Variants in PSMD9 observed in about 807,000 individuals in gnomAD.
The protein encoded by PSMD9 is proteasome 26S subunit, non-ATPase 9, also known as 26S proteasome non-ATPase regulatory subunit 9.
In PSMD9, 26 loss-of-function variants were observed where a neutral mutation model predicts 25.9. That is an observed-to-expected ratio of 1.00 (90% CI 0.73 to 1.39). The LOEUF (loss-of-function observed/expected upper bound fraction) is 1.39. PSMD9 is among the 40% of genes most tolerant of loss of function. PSMD9 has a pLI of 0.00. For synonymous variants in PSMD9, 110 were observed against 114.5 expected, an observed-to-expected ratio of 0.96 and a Z score of 0.25; for missense variants, 303 against 299.3, an observed-to-expected ratio of 1.01 and a Z score of -0.09.
intron 1 of PSMD9, chr12:121,894,431 G>A (rs1340873130): frequency 1.8e-5 from 5 of 281,878 alleles, no homozygotes; most frequent in Non-Finnish European, 3.5e-5. Context: ...GTGTGAAGGA[G>A]TGGAGGAAGA....
chr12:121,916,502 G>C lies in PSMD9; in HGVS notation c.*191G>C. 1.5e-6 allele frequency: 1 copy of C among 683,400 alleles called. No homozygotes were observed. Among genetic ancestry groups the C allele is most frequent in the Non-Finnish European group, 2.4e-6 (1 of 409,702 alleles). 42.3% of individuals were successfully genotyped at this position (683,400 alleles called of 1,614,324 possible). On this transcript the variant is annotated 3_prime_UTR_variant, in exon 6 of 6. Coordinates refer to ENST00000541212, the MANE Select transcript of PSMD9 (RefSeq NM_002813.7). ...GGATTAAGGCATTCTTAAAAACTTA[G>C]GCTTGGCCTCTTTCACAAATTAGGC...
intron 4 of PSMD9, among the ~76,000 whole-genome samples, chr12:121,910,644 C>T (rs369285817): frequency 7.9e-4 from 119 of 150,688 alleles, no homozygotes; most frequent in African/African-American, 2.8e-3. Context: ...CCTGTAATCC[C>T]AGTTACTCTG....
At chr12:121,913,481 ATTTTCTT>A (rs1337694226) in intron 4 of PSMD9, among the ~76,000 whole-genome samples, 5 of 143,908 alleles carry the variant, frequency 3.5e-5, no homozygotes, top group East Asian at 2.1e-4. Flanking sequence ...ATTTGCATGT[ATTTTCTT>A]TTTTCTTTTT....
chr12:121,914,369 G>A (rs1342861633), intron 4 of PSMD9: 1 of 151,460 alleles, frequency 6.6e-6, no homozygotes, highest in Non-Finnish European at 1.5e-5. Context: ...GGCCAACATG[G>A]CGAAACCCCA....
intron 1 of PSMD9, among the ~76,000 whole-genome samples, chr12:121,891,298 T>TAAAA (rs1209397158): frequency 1.1e-5 from 1 of 91,686 alleles, no homozygotes; most frequent in Non-Finnish European, 2.1e-5. Flanking sequence ...GCTGTCTCTT[T>TAAAA]AAAAAAAAAA....
chr12:121,890,096 A>G (rs755443449), intron 1 of PSMD9, among the ~76,000 whole-genome samples: 4 of 151,896 alleles, frequency 2.6e-5, no homozygotes, highest in Non-Finnish European at 5.9e-5. Flanking sequence ...TTTTTATTTT[A>G]AGTAAAAGCA....
intron 1 of PSMD9, among the ~76,000 whole-genome samples, chr12:121,891,834 A>C (rs1879089958): frequency 7.5e-6 from 1 of 133,952 alleles, no homozygotes; most frequent in South Asian, 2.6e-4. Context: ...TGAACCTGGG[A>C]GGCGGAGGTT....
At chr12:121,898,500 T>A (rs1879295672) in intron 2 of PSMD9, 2 of 151,716 alleles carry the variant, frequency 1.3e-5, no homozygotes, top group Middle Eastern at 3.5e-3. Flanking sequence ...GGACTCCCTC[T>A]CCTGGACTGA....
chr12:121,896,785 G>A (rs1156559847), intron 2 of PSMD9, among the ~76,000 whole-genome samples: 13 of 147,218 alleles, frequency 8.8e-5, no homozygotes, highest in Non-Finnish European at 8.9e-5. Context: ...GCCGTGAGCC[G>A]AGATTGTGCC....
intron 4 of PSMD9, chr12:121,911,138 T>C (rs770735709): frequency 2.7e-6 from 1 of 374,314 alleles, no homozygotes; most frequent in Non-Finnish European, 5.4e-6. Context: ...CTCCCAGGTT[T>C]GAGCCATTCT....
chr12:121,915,362 G>A lies in PSMD9; in HGVS notation c.556-494G>A, dbSNP rs559747296. On this transcript the variant is annotated intron_variant, in intron 4 of 5. Coordinates refer to ENST00000541212, the MANE Select transcript of PSMD9 (RefSeq NM_002813.7). ...AAAGAAAGAAAATATTATCAAATAG[G>A]TTCATACTTTGGTGGGGTTTTGGTT... The A allele has an allele frequency of 2.6e-5, 4 of 152,248 alleles. 1 individual carries two copies. In the South Asian group the frequency reaches 8.3e-4, roughly 32 times the overall value. 9.4% of individuals were successfully genotyped at this position (152,248 alleles called of 1,614,324 possible).
chr12:121,889,885 G>A (rs1879011739), intron 1 of PSMD9, among the ~76,000 whole-genome samples: 1 of 152,070 alleles, frequency 6.6e-6, no homozygotes, highest in Non-Finnish European at 1.5e-5. Flanking sequence ...AGTAGGGTGG[G>A]ATGGAATGCA....
At chr12:121,906,885 G>GA (rs370756828) in intron 4 of PSMD9, among the ~76,000 whole-genome samples, 2,661 of 148,472 alleles carry the variant, frequency 0.018, 31 homozygotes, top group South Asian at 0.032. Context: ...AGAATTGCTT[G>GA]AACCCGGGAG....
At chr12:121,900,419 A>C (rs374128386) in intron 3 of PSMD9, among the ~76,000 whole-genome samples, 181 of 152,092 alleles carry the variant, frequency 1.2e-3, no homozygotes, top group African/African-American at 4.2e-3. Flanking sequence ...GACCGGGAGC[A>C]TTGGCTCACG....
At chr12:121,894,512 T>C in intron 1 of PSMD9, 1 of 492,360 alleles carries the variant, frequency 2.0e-6, no homozygotes, top group East Asian at 3.6e-5. Flanking sequence ...CAAAAAAGAA[T>C]GGATTCATGC....
At chr12:121,890,605 C>G (rs1257600083) in intron 1 of PSMD9, among the ~76,000 whole-genome samples, 1 of 152,020 alleles carries the variant, frequency 6.6e-6, no homozygotes, top group Non-Finnish European at 1.5e-5. Context: ...GTAGCTGAGA[C>G]TGCAGGTACG....
chr12:121,905,109 C>G (rs1879515640), intron 4 of PSMD9, among the ~76,000 whole-genome samples: 1 of 151,884 alleles, frequency 6.6e-6, no homozygotes, highest in African/African-American at 2.4e-5. Context: ...AGAAAGACTG[C>G]TCATATACCA....
chr12:121,899,422 G>C (rs556188670), intron 2 of PSMD9: 8 of 573,548 alleles, frequency 1.4e-5, no homozygotes, highest in African/African-American at 1.9e-5. Context: ...GCAGTCATCA[G>C]ATGTTATTGT....
intron 4 of PSMD9, among the ~76,000 whole-genome samples, chr12:121,903,674 C>T (rs563837144): frequency 1.1e-4 from 16 of 152,058 alleles, no homozygotes; most frequent in Admixed American, 2.0e-4. Flanking sequence ...GGGGCCTTTC[C>T]TGGCTACCCT....
Sources: gnomAD v4.1 joint callset for allele counts (sites outside exome capture counted in the v4.1 genomes callset) on GRCh38, gnomAD v4.1.1 for gene constraint, MANE v1.5 for transcripts, NCBI Gene and HGNC (gene_info 2026-07-23, HGNC 2026-07-21) for gene names.